Variants in IQUB observed in about 807,000 individuals in gnomAD.
The protein encoded by IQUB is IQ motif and ubiquitin domain containing.
In IQUB, 86 loss-of-function variants were observed where a neutral mutation model predicts 86.4. That is an observed-to-expected ratio of 1.00 (90% CI 0.84 to 1.19). IQUB has a LOEUF of 1.19. IQUB is among the 50% of genes most tolerant of loss of function. The probability of loss-of-function intolerance (pLI) is 0.00; values close to 1 mark genes in which losing one functional copy is unlikely to be tolerated. For missense variants in IQUB, 946 were observed against 916.9 expected (o/e 1.03, Z -0.41); for synonymous variants, 289 against 304.5 (o/e 0.95, Z 0.53).
At chr7:123,501,938 C>A (rs949216071) in intron 6 of IQUB, 1 of 152,174 alleles carries the variant, frequency 6.6e-6, no homozygotes, top group Non-Finnish European at 1.5e-5. Context: ...ATAAAGCCTG[C>A]TATAAAGTTA....
chr7:123,481,502 CT>C (rs1795000897), intron 7 of IQUB, among the ~76,000 whole-genome samples: 1 of 151,990 alleles, frequency 6.6e-6, no homozygotes, highest in African/African-American at 2.4e-5. Flanking sequence ...TACTAAAAAT[CT>C]GAAAGGAGTT....
At chr7:123,510,136 T>C in intron 2 of IQUB, 101 bp from the exon 3 acceptor site, 1 of 719,676 alleles carries the variant, frequency 1.4e-6, no homozygotes, top group Non-Finnish European at 2.2e-6. Context: ...AATTTTTAAT[T>C]ACATAGAATA....
In IQUB at chr7:123,496,787, T is replaced by C; in HGVS notation, c.1143A>G (p.Arg381=). 1 of 1,612,072 alleles carries C rather than the reference T, an allele frequency of 6.2e-7. No individual in the cohort carries two copies. Among genetic ancestry groups the C allele is most frequent in the Non-Finnish European group, 8.5e-7 (1 of 1,178,618 alleles). ...WETQQELRKI[R]EKEEWIKLDY... is the part of the protein sequence containing the mutation. ...CCAATTTTATCCATTCTTCTTTTTC[T>C]CTTATCTTCCTTAGTTCTTGCTGTG... The change falls in exon 7 of 13, where the codon AGA becomes AGG. Residue 381 remains arginine (R), a synonymous_variant. Coordinates refer to ENST00000324698, the MANE Select transcript of IQUB (RefSeq NM_178827.5).
intron 3 of IQUB, among the ~76,000 whole-genome samples, chr7:123,507,585 A>G (rs139796437): frequency 2.4e-4 from 37 of 152,316 alleles, no homozygotes; most frequent in Non-Finnish European, 4.0e-4. Flanking sequence ...CTTCAGTTAA[A>G]AAATTAACAT....
chr7:123,465,524 CTATT>C (rs908059408), intron 9 of IQUB, among the ~76,000 whole-genome samples: 13 of 151,936 alleles, frequency 8.6e-5, no homozygotes, highest in South Asian at 4.2e-4. Flanking sequence ...ACTTTTCTGT[CTATT>C]TATTATAGGT....
In IQUB at chr7:123,480,099, T is replaced by C. The variant is rs1175841728; in HGVS notation, c.1235-129A>G. 6.0e-6 allele frequency: 4 copies of C among 672,020 alleles called. No individual in the cohort carries two copies. The African/African-American group carries it at 7.4e-5, about 12-fold the overall frequency. 41.6% of individuals were successfully genotyped at this position (672,020 alleles called of 1,614,324 possible). A position where few individuals can be genotyped will look rare whatever the true frequency, so the allele number is the denominator to read the frequency against. ...TATACACAGATAGAATCATTTCTAT[T>C]GTACACCTGATGCATGAAAAAAGTG... On this transcript the variant is annotated intron_variant, in intron 7 of 12. Coordinates refer to ENST00000324698, the MANE Select transcript of IQUB (RefSeq NM_178827.5).
At chr7:123,514,007 G>A (rs532788881) in intron 1 of IQUB, among the ~76,000 whole-genome samples, 66 of 152,134 alleles carry the variant, frequency 4.3e-4, no homozygotes, top group African/African-American at 1.4e-3. Context: ...AAAAGAATAC[G>A]GATCCTCAGA....
chr7:123,495,458 A>G lies in IQUB; in HGVS notation c.1234+1238T>C, dbSNP rs189141348. Among the ~76,000 whole-genome samples, 344 of 152,148 alleles carry G rather than the reference A, an allele frequency of 2.3e-3. 1 individual carries two copies. Among genetic ancestry groups the G allele is most frequent in the African/African-American group, 7.8e-3 (325 of 41,474 alleles). On this transcript the variant is annotated intron_variant, in intron 7 of 12. Transcript: ENST00000324698. ...AGGAAACTGCAACTTGAGGAACAGAACATATAACATCCACAAAAAAAATAG... is the reference window on the plus strand; with the variant it reads ...AGGAAACTGCAACTTGAGGAACAGAGCATATAACATCCACAAAAAAAATAG...
chr7:123,499,924 C>G (rs1294563322), intron 6 of IQUB, among the ~76,000 whole-genome samples: 1 of 152,116 alleles, frequency 6.6e-6, no homozygotes, highest in Admixed American at 6.5e-5. Flanking sequence ...AAACAGGTTG[C>G]AGTAAAGAAG....
At chr7:123,472,532 T>C (rs963616751) in intron 8 of IQUB, among the ~76,000 whole-genome samples, 1 of 152,282 alleles carries the variant, frequency 6.6e-6, no homozygotes, top group African/African-American at 2.4e-5. Context: ...TATGGGTTGC[T>C]ATGAAGCACT....
Position 123,461,502 on chromosome 7 carries a change from C to A in IQUB, c.1862G>T (p.Arg621Leu). 6.2e-7 allele frequency: 1 copy of A among 1,612,070 alleles called. No homozygotes were observed. Among genetic ancestry groups the A allele is most frequent in the Non-Finnish European group, 8.5e-7 (1 of 1,178,846 alleles). The part of the protein sequence containing the change: ...TEFSVSSTSR[R>L]IYRCRNCINL... Reference sequence around the variant, plus strand: ...AATGCAGTTACGACACCGGTATATGCGGCGTGAGGTGGATGATACAGAAAA... The same window carrying A: ...AATGCAGTTACGACACCGGTATATGAGGCGTGAGGTGGATGATACAGAAAA... The change falls in exon 11 of 13, where the codon CGC becomes CTC. Residue 621 changes from arginine (R) to leucine (L), a missense_variant. Coordinates refer to ENST00000324698, the MANE Select transcript of IQUB (RefSeq NM_178827.5).
chr7:123,463,594 A>AAAAC (rs1454819840), intron 10 of IQUB, among the ~76,000 whole-genome samples: 2 of 151,812 alleles, frequency 1.3e-5, no homozygotes, highest in African/African-American at 4.8e-5. Context: ...CTATAAAAAT[A>AAAAC]AAACACATAT....
At chr7:123,532,211 C>G (rs979918110) in intron 1 of IQUB, among the ~76,000 whole-genome samples, 5 of 152,136 alleles carry the variant, frequency 3.3e-5, no homozygotes, top group African/African-American at 1.2e-4. Flanking sequence ...CTTTTATTGT[C>G]ATTGCTTTCT....
intron 2 of IQUB, 24 bp from the exon 3 acceptor site, chr7:123,510,059 G>C: frequency 1.4e-6 from 2 of 1,476,026 alleles, no homozygotes; most frequent in Non-Finnish European, 1.9e-6. Context: ...AGAAAAGAAA[G>C]AATTATAGTC....
In IQUB at chr7:123,458,288, G is replaced by A. The variant is rs181655721; in HGVS notation, c.2008-722C>T. Among the ~76,000 whole-genome samples the A allele has an allele frequency of 2.8e-3, 418 of 151,966 alleles. 4 individuals are homozygous for A. Among genetic ancestry groups the A allele is most frequent in the Non-Finnish European group, 3.9e-3 (262 of 67,910 alleles). On this transcript the variant is annotated intron_variant, in intron 11 of 12. Transcript: ENST00000324698. ...TATAAATTTAGAATTGCCAGAGACG[G>A]ACAAACTCAACAAAGTATAAGCATG...
chr7:123,453,632 G>GA (rs1452792747), intron 12 of IQUB, among the ~76,000 whole-genome samples: 4 of 151,882 alleles, frequency 2.6e-5, no homozygotes, highest in Admixed American at 2.6e-4. Flanking sequence ...TATGGCTGAG[G>GA]AAAAAGTGAG....
intron 12 of IQUB, among the ~76,000 whole-genome samples, chr7:123,454,971 A>G (rs1203998673): frequency 6.6e-6 from 1 of 152,150 alleles, no homozygotes; most frequent in African/African-American, 2.4e-5. Context: ...AGGAGTTATT[A>G]TGTACAGCCC....
chr7:123,475,213 C>T (rs1347078789), intron 8 of IQUB, among the ~76,000 whole-genome samples: 1 of 152,016 alleles, frequency 6.6e-6, no homozygotes, highest in East Asian at 1.9e-4. Context: ...TTCCATTTTC[C>T]TGGAACAGAA....
intron 1 of IQUB, among the ~76,000 whole-genome samples, chr7:123,528,125 C>G (rs962992412): frequency 6.6e-6 from 1 of 152,332 alleles, no homozygotes. Context: ...AGGGAACTCC[C>G]TGACCCCTTG....
Sources: gnomAD v4.1 joint callset for allele counts (sites outside exome capture counted in the v4.1 genomes callset) on GRCh38, gnomAD v4.1.1 for gene constraint, MANE v1.5 for transcripts, NCBI Gene and HGNC (gene_info 2026-07-23, HGNC 2026-07-21) for gene names.